ADAP1: variants seen among roughly 807,000 people sequenced by gnomAD.
The protein encoded by ADAP1 is arf-GAP with dual PH domain-containing protein 1.
Under a neutral mutation model 54.9 loss-of-function variants are expected in ADAP1, and 31 were observed. The observed-to-expected ratio is 0.56, with a 90% CI of 0.42 to 0.76. The LOEUF (loss-of-function observed/expected upper bound fraction) is 0.76, where lower values mean the gene tolerates loss of function less well. ADAP1 is among the 30% of genes least tolerant of loss of function. The probability of loss-of-function intolerance (pLI) is 0.00; values close to 1 mark genes in which losing one functional copy is unlikely to be tolerated. For missense variants in ADAP1, 535 were observed against 512.4 expected, an observed-to-expected ratio of 1.04 and a Z score of -0.42; for synonymous variants, 313 against 202.6, an observed-to-expected ratio of 1.55 and a Z score of -4.63.
chr7:947,518 T>C (rs992066218), intron 1 of ADAP1, among the ~76,000 whole-genome samples: 1 of 151,998 alleles, frequency 6.6e-6, no homozygotes, highest in Non-Finnish European at 1.5e-5. Flanking sequence ...CCCGTCTCCC[T>C]GGACACTGCT....
Position 935,468 on chromosome 7 carries a change from G to A in ADAP1, c.120C>T (p.Ile40=), listed in dbSNP as rs1250045804. The A allele has an allele frequency of 6.4e-7, 1 of 1,563,418 alleles. No individual in the cohort carries two copies. Among genetic ancestry groups the A allele is most frequent in the Non-Finnish European group, 8.7e-7 (1 of 1,154,104 alleles). Reference sequence around the variant, plus strand: ...GGTGGATTCCCGAGCAGCTCAGGCAGATGAAGACGCCCAGAGTGTAGGAGG... The same window carrying A: ...GGTGGATTCCCGAGCAGCTCAGGCAAATGAAGACGCCCAGAGTGTAGGAGG... The part of the protein sequence containing the change: ...DWASYTLGVF[I]CLSCSGIHRN... The change falls in exon 2 of 11, where the codon ATC becomes ATT. Residue 40 remains isoleucine, a synonymous_variant. Transcript: ENST00000265846.
rs1309865372 is a variant in ADAP1 at position 954,584 on chromosome 7, C to T, written c.-107G>A. 1.3e-5 allele frequency: 13 copies of T among 985,872 alleles called. No homozygotes were observed. In the Admixed American group the frequency reaches 8.1e-4, roughly 62 times the overall value. 61.1% of individuals were successfully genotyped at this position (985,872 alleles called of 1,614,324 possible). A position where few individuals can be genotyped will look rare whatever the true frequency, so the allele number is the denominator to read the frequency against. The stretch of plus-strand genomic sequence containing the variant: ...CCCGCCGCCGCCGCCCCTGCGCCAT[C>T]CCGGGCGGCCTCAGCCCGCGCGCCG... On this transcript the variant is annotated 5_prime_UTR_variant, in exon 1 of 11. Coordinates refer to ENST00000265846, the MANE Select transcript of ADAP1 (RefSeq NM_006869.4).
intron 2 of ADAP1, among the ~76,000 whole-genome samples, chr7:929,205 T>C (rs990569153): frequency 5.3e-5 from 8 of 150,238 alleles, no homozygotes; most frequent in Admixed American, 2.7e-4. Flanking sequence ...GGCAGGAGAA[T>C]CGCTTGAACC....
Position 900,544 on chromosome 7 carries a change from C to CGCT in ADAP1, c.720_721insAGC (p.Ala240_Gly241insSer). The CGCT allele has an allele frequency of 6.2e-7, 1 of 1,607,964 alleles. No homozygotes were observed. The highest frequency in any genetic ancestry group is 8.5e-7 in the Non-Finnish European group (1 of 1,178,038). On this transcript the variant is annotated inframe_insertion, in exon 7 of 11. Coordinates refer to ENST00000265846, the MANE Select transcript of ADAP1 (RefSeq NM_006869.4). ...GGGCCGCCACTCACATCTGCGTCGC[C>CGCT]GGCCCCTGGGAATGCCACCTGCAGG...
chr7:935,674 C>CCCCG (rs1445022814), intron 1 of ADAP1, among the ~76,000 whole-genome samples, 169 bp from the exon 2 acceptor site: 1 of 151,192 alleles, frequency 6.6e-6, no homozygotes, highest in East Asian at 2.0e-4. Context: ...CCCCAGCTCC[C>CCCCG]CCCCCGCCCT....
At chr7:923,790 C>T (rs1197833991) in intron 3 of ADAP1, among the ~76,000 whole-genome samples, 1 of 152,190 alleles carries the variant, frequency 6.6e-6, no homozygotes, top group Non-Finnish European at 1.5e-5. Context: ...GCCACCCGGA[C>T]ATCTGTGCAG....
At chr7:900,648 G>A (rs761551041) in intron 6 of ADAP1, 32 bp from the exon 7 acceptor site, 2 of 1,582,334 alleles carry the variant, frequency 1.3e-6, no homozygotes, top group Non-Finnish European at 1.7e-6. Context: ...GGCTTGGGCT[G>A]AGGAGGCTGC....
At chr7:912,819 G>C (rs1845778789) in intron 4 of ADAP1, among the ~76,000 whole-genome samples, 2 of 152,104 alleles carry the variant, frequency 1.3e-5, no homozygotes, top group Non-Finnish European at 2.9e-5. Context: ...TCCTGTCTCA[G>C]CCTCCTGAGT....
upstream of ADAP1, among the ~76,000 whole-genome samples, chr7:954,965 G>T (rs184057672): frequency 3.4e-3 from 515 of 152,262 alleles, 2 homozygotes; most frequent in Middle Eastern, 0.014. Flanking sequence ...TGTGGGGGGC[G>T]CAGAGGGCAC....
intron 6 of ADAP1, among the ~76,000 whole-genome samples, chr7:901,830 A>C (rs1302537676): frequency 6.7e-6 from 1 of 148,292 alleles, no homozygotes; most frequent in African/African-American, 2.5e-5. Flanking sequence ...TCCTAGAGGA[A>C]GCTGAACCCG....
intron 1 of ADAP1, among the ~76,000 whole-genome samples, chr7:940,352 A>G (rs923727568): frequency 7.9e-5 from 12 of 151,596 alleles, no homozygotes; most frequent in Non-Finnish European, 5.9e-5. Context: ...ACACACACAC[A>G]CACACACACA....
intron 3 of ADAP1, chr7:923,345 A>G (rs1430032126): frequency 6.6e-6 from 1 of 151,794 alleles, no homozygotes; most frequent in Admixed American, 6.6e-5. Context: ...GCCAGCAGCC[A>G]AGGGCTCCTC....
intron 4 of ADAP1, among the ~76,000 whole-genome samples, chr7:908,911 A>G (rs532801191): frequency 6.6e-6 from 1 of 150,890 alleles, no homozygotes; most frequent in South Asian, 2.1e-4. Context: ...GGTTCCACAG[A>G]CCCCTGCCCA....
Position 926,849 on chromosome 7 carries a change from G to C in ADAP1, c.214-205C>G. ...GACCCTCCCCTGGGACAGGGAAGGAGCCAGCGTCCCTAACGACGGGGTCCC... is the reference window on the plus strand; with the variant it reads ...GACCCTCCCCTGGGACAGGGAAGGACCCAGCGTCCCTAACGACGGGGTCCC... On this transcript the variant is annotated intron_variant, in intron 2 of 10. Coordinates refer to ENST00000265846, the MANE Select transcript of ADAP1 (RefSeq NM_006869.4). This position sits in a 1 kb window ranked among gnomAD's most constrained non-coding sequence, Gnocchi z 4.6. The C allele has an allele frequency of 1.3e-6, 1 of 790,094 alleles. No homozygotes were observed. 48.9% of individuals were successfully genotyped at this position (790,094 alleles called of 1,614,324 possible).
chr7:907,017 C>G (rs1393035064), intron 4 of ADAP1, among the ~76,000 whole-genome samples: 3 of 152,134 alleles, frequency 2.0e-5, no homozygotes, highest in African/African-American at 4.8e-5. Flanking sequence ...CTGGGTCCAA[C>G]CTCGTGCTGC....
intron 6 of ADAP1, 24 bp from the exon 7 acceptor site, chr7:900,640 CTT>C (rs766110955): frequency 3.1e-5 from 48 of 1,563,000 alleles, no homozygotes; most frequent in African/African-American, 6.2e-5. Context: ...TGGGCACAGG[CTT>C]GGGCTGAGGA....
At chr7:936,158 G>A (rs1273219277) in intron 1 of ADAP1, among the ~76,000 whole-genome samples, 2 of 152,178 alleles carry the variant, frequency 1.3e-5, no homozygotes, top group African/African-American at 4.8e-5. Context: ...GTCCAACAAA[G>A]CTGGACACAG....
chr7:921,001 C>T, intron 3 of ADAP1: 2 of 782,348 alleles, frequency 2.6e-6, no homozygotes, highest in Non-Finnish European at 4.1e-6. Context: ...TGGGTCCCAG[C>T]TGGGTCTCTG....
Position 898,397 on chromosome 7 carries a change from G to A in ADAP1, c.*524C>T, listed in dbSNP as rs534403006. On this transcript the variant is annotated 3_prime_UTR_variant, in exon 11 of 11. Transcript: ENST00000265846. Reference sequence around the variant, plus strand: ...CCGGGCAGGGGCCGGGACCTGTGTGGATAATCCACCCAAACACCCCACGGC... The same window carrying A: ...CCGGGCAGGGGCCGGGACCTGTGTGAATAATCCACCCAAACACCCCACGGC... The A allele has an allele frequency of 1.3e-4, 24 of 188,906 alleles. No homozygotes were observed. The highest frequency in any genetic ancestry group is 5.0e-4 in the African/African-American group (21 of 42,358). The allele number at this position is 188,906 out of a possible 1,614,324, so 11.7% of individuals were successfully genotyped here. A position where few individuals can be genotyped will look rare whatever the true frequency, so the allele number is the denominator to read the frequency against.
Sources: allele counts gnomAD v4.1 joint callset (sites outside exome capture counted in the v4.1 genomes callset), GRCh38; gene constraint gnomAD v4.1.1; non-coding constraint Gnocchi (gnomAD v3.1); transcripts MANE v1.5; gene names NCBI Gene and HGNC (gene_info 2026-07-23, HGNC 2026-07-21).